Variants in SYK observed in about 807,000 individuals in gnomAD.
SYK encodes tyrosine-protein kinase SYK.
Under a neutral mutation model 77.8 loss-of-function variants are expected in SYK, and 16 were observed. The ratio of observed to expected loss-of-function variants is 0.21; its 90% CI spans 0.14 to 0.31. SYK has a LOEUF of 0.31. Among genes scored for constraint, SYK ranks in the 10% least tolerant of loss-of-function variants. The probability of loss-of-function intolerance (pLI) is 1.00; values close to 1 mark genes in which losing one functional copy is unlikely to be tolerated. For missense variants in SYK, 529 were observed against 814.4 expected (o/e 0.65, Z 4.26); for synonymous variants, 312 against 308.7 (o/e 1.01, Z -0.11).
intron 1 of SYK, among the ~76,000 whole-genome samples, chr9:90,812,739 A>ATATGTGTGTGTGTT (rs1825126792): frequency 1.1e-5 from 1 of 94,088 alleles, no homozygotes; most frequent in Non-Finnish European, 2.0e-5. Flanking sequence ...TCCCCATTTG[A>ATATGTGTGTGTGTT]TATGTGTGTG....
intron 1 of SYK, among the ~76,000 whole-genome samples, chr9:90,814,834 GCACACACACA>G (rs567535954): frequency 1.4e-5 from 1 of 69,818 alleles, no homozygotes; most frequent in African/African-American, 4.2e-5. Flanking sequence ...CAACACACGT[GCACACACACA>G]CACACACACA....
intron 1 of SYK, among the ~76,000 whole-genome samples, chr9:90,828,773 T>G (rs1230195127): frequency 6.6e-6 from 1 of 152,154 alleles, no homozygotes; most frequent in African/African-American, 2.4e-5. Context: ...GGAGAAGAAC[T>G]GCAGAGATGT....
chr9:90,834,460 C>T (rs919946152), intron 1 of SYK, among the ~76,000 whole-genome samples: 2 of 152,290 alleles, frequency 1.3e-5, no homozygotes, highest in South Asian at 2.1e-4. Flanking sequence ...AAAGCTGGGC[C>T]GGGTCGCCAG....
chr9:90,864,678 A>T lies in SYK; in HGVS notation c.796+11A>T. 6.2e-7 allele frequency: 1 copy of T among 1,610,574 alleles called. No homozygotes were observed. The stretch of plus-strand genomic sequence containing the variant: ...AAATCGGCACACAGGGTGAGTTCCC[A>T]AGACACTGGAGTCTCAGTGTTTGAG... On this transcript the variant is annotated intron_variant, in intron 5 of 13. Coordinates refer to ENST00000375754, the MANE Select transcript of SYK (RefSeq NM_003177.7).
At chr9:90,870,024 C>T (rs895913293) in intron 7 of SYK, among the ~76,000 whole-genome samples, 1 of 152,190 alleles carries the variant, frequency 6.6e-6, no homozygotes, top group African/African-American at 2.4e-5. Context: ...AGGAAAATCA[C>T]TTAAGCCTGG....
At chr9:90,848,897 C>T (rs1279744675) in intron 3 of SYK, among the ~76,000 whole-genome samples, 1 of 152,216 alleles carries the variant, frequency 6.6e-6, no homozygotes, top group African/African-American at 2.4e-5. Flanking sequence ...GGAGGATGGA[C>T]CTTGCTGTGA....
intron 13 of SYK, among the ~76,000 whole-genome samples, chr9:90,891,606 C>T (rs1828796211): frequency 1.3e-5 from 2 of 152,134 alleles, no homozygotes; most frequent in South Asian, 4.1e-4. Flanking sequence ...GATTTAGGAG[C>T]TGCTTTTTAT....
At chr9:90,877,862 TTCC>T (rs1445275948) in intron 10 of SYK, 82 bp downstream of exon 10, 3 of 1,490,766 alleles carry the variant, frequency 2.0e-6, no homozygotes, top group Non-Finnish European at 2.8e-6. Context: ...GCAGCCTGAT[TTCC>T]TTGGGAAGCC....
chr9:90,852,715 G>C (rs953646731), intron 3 of SYK, among the ~76,000 whole-genome samples: 1 of 152,150 alleles, frequency 6.6e-6, no homozygotes, highest in East Asian at 1.9e-4. Context: ...AGTCACCAAT[G>C]CTATTTTAAC....
intron 3 of SYK, among the ~76,000 whole-genome samples, chr9:90,856,165 G>A (rs1462161116): frequency 6.6e-6 from 1 of 152,176 alleles, no homozygotes; most frequent in Non-Finnish European, 1.5e-5. Context: ...TTTGCTCTCT[G>A]AGCCTCTGTT....
chr9:90,867,988 A>G (rs1318607727), intron 7 of SYK, among the ~76,000 whole-genome samples: 2 of 152,166 alleles, frequency 1.3e-5, no homozygotes, highest in Non-Finnish European at 2.9e-5. Context: ...TTTTCATATT[A>G]CTTGGTGTTT....
intron 3 of SYK, among the ~76,000 whole-genome samples, chr9:90,847,042 T>C (rs1201486835): frequency 6.6e-6 from 1 of 152,258 alleles, no homozygotes; most frequent in African/African-American, 2.4e-5. Context: ...CTGTTTCTTT[T>C]TTCGGAGTTG....
At chr9:90,855,697 TGAGAGAGAGA>T (rs373151521) in intron 3 of SYK, among the ~76,000 whole-genome samples, 1 of 150,090 alleles carries the variant, frequency 6.7e-6, no homozygotes, top group Non-Finnish European at 1.5e-5. Context: ...TGGGTGTGTG[TGAGAGAGAGA>T]GAGAGAGAGA....
intron 3 of SYK, among the ~76,000 whole-genome samples, chr9:90,856,743 T>A (rs1827053021): frequency 6.6e-6 from 1 of 152,184 alleles, no homozygotes; most frequent in Non-Finnish European, 1.5e-5. Flanking sequence ...ACCGAAACTT[T>A]TGGAGGATGT....
chr9:90,867,104 G>T lies in SYK; in HGVS notation c.847-27G>T, dbSNP rs140018372. ...GTATTTGTTTTCTGAAACATTTACT[G>T]TTCCTCTTTGCCGTTGTGGTTTCTA... is the stretch of plus-strand genomic sequence containing the variant. On this transcript the variant is annotated intron_variant, in intron 6 of 13. Coordinates refer to ENST00000375754, the MANE Select transcript of SYK (RefSeq NM_003177.7). 28 of 1,613,206 alleles carry T rather than the reference G, an allele frequency of 1.7e-5. No homozygotes were observed. The Middle Eastern group carries it at 6.8e-4, about 39-fold the overall frequency.
chr9:90,839,346 G>C (rs1249859365), intron 1 of SYK, among the ~76,000 whole-genome samples: 1 of 152,182 alleles, frequency 6.6e-6, no homozygotes, highest in Non-Finnish European at 1.5e-5. Flanking sequence ...CACATGGCCA[G>C]AAAAGGGCCA....
intron 11 of SYK, among the ~76,000 whole-genome samples, chr9:90,880,405 G>C (rs1828104492): frequency 6.6e-6 from 1 of 152,196 alleles, no homozygotes; most frequent in African/African-American, 2.4e-5. Flanking sequence ...CTTCCCAGAA[G>C]GAAGCCCCTT....
At chr9:90,835,339 G>A (rs763994184) in intron 1 of SYK, among the ~76,000 whole-genome samples, 12 of 152,234 alleles carry the variant, frequency 7.9e-5, no homozygotes, top group Non-Finnish European at 1.6e-4. Flanking sequence ...ACCCATAGCT[G>A]CATTCATGGA....
rs760453439 is a variant in SYK at position 90,878,878 on chromosome 9, A to C, written c.1506A>C (p.Leu502=). 6.2e-7 allele frequency: 1 copy of C among 1,614,188 alleles called. No individual in the cohort carries two copies. The highest frequency in any genetic ancestry group is 1.1e-5 in the South Asian group (1 of 91,088). The part of the protein sequence containing the change: ...HRDLAARNVL[L]VTQHYAKISD... ...ATCTGGCTGCAAGAAATGTGTTGCTAGTTACCCAACATTACGCCAAGATCA... is the reference window on the plus strand; with the variant it reads ...ATCTGGCTGCAAGAAATGTGTTGCTCGTTACCCAACATTACGCCAAGATCA... Residue 502 remains leucine, a synonymous_variant, in exon 11 of 14, where the codon CTA becomes CTC. Transcript: ENST00000375754.
Sources: allele counts gnomAD v4.1 joint callset (sites outside exome capture counted in the v4.1 genomes callset), GRCh38; gene constraint gnomAD v4.1.1; transcripts MANE v1.5; gene names NCBI Gene and HGNC (gene_info 2026-07-23, HGNC 2026-07-21).